Variants in DLGAP2 observed in about 807,000 individuals in gnomAD.
The protein encoded by DLGAP2 is DLG associated protein 2, also known as disks large-associated protein 2.
DLGAP2 carries 26 observed loss-of-function variants against 100.3 expected under a neutral mutation model. The ratio of observed to expected loss-of-function variants is 0.26; its 90% CI spans 0.19 to 0.36. DLGAP2 has a LOEUF of 0.36. Ranked by LOEUF, DLGAP2 falls within the 10% of genes least tolerant of loss-of-function variation. The pLI, the probability that DLGAP2 is intolerant of heterozygous loss-of-function variation, is 1.00. For synonymous variants in DLGAP2, 886 were observed against 630.1 expected (o/e 1.41, Z -6.08); for missense variants, 1,858 against 1,453.2 (o/e 1.28, Z -4.53).
In DLGAP2 at chr8:1,348,812, C is replaced by T. The variant is rs1262193501; in HGVS notation, c.106+89929C>T. On this transcript the variant is annotated intron_variant, in intron 3 of 14. Coordinates refer to ENST00000637795, the MANE Select transcript of DLGAP2 (RefSeq NM_001346810.2). Reference sequence around the variant, plus strand: ...ATGCGGTGGAGCGTGTTGATGGATTCAGCACCAGCCAGTATCAGTCCCCAC... The same window carrying T: ...ATGCGGTGGAGCGTGTTGATGGATTTAGCACCAGCCAGTATCAGTCCCCAC... Among the ~76,000 whole-genome samples the T allele has an allele frequency of 3.3e-5, 5 of 152,184 alleles. No homozygotes were observed. The East Asian group carries it at 5.8e-4, about 18-fold the overall frequency.
At chr8:1,458,002 A>AATTTTT (rs1798366371) in intron 3 of DLGAP2, among the ~76,000 whole-genome samples, 1 of 129,640 alleles carries the variant, frequency 7.7e-6, no homozygotes, top group Non-Finnish European at 1.6e-5. Context: ...ATATATATAT[A>AATTTTT]TATATATATA....
At chr8:927,564 G>C (rs780456779) in intron 2 of DLGAP2, among the ~76,000 whole-genome samples, 5 of 152,192 alleles carry the variant, frequency 3.3e-5, no homozygotes, top group African/African-American at 9.6e-5. Context: ...CCGAGCCTCA[G>C]TGTCCTCATA....
At chr8:940,876 G>T (rs1799180584) in intron 2 of DLGAP2, among the ~76,000 whole-genome samples, 1 of 152,136 alleles carries the variant, frequency 6.6e-6, no homozygotes, top group Non-Finnish European at 1.5e-5. Context: ...AGGCAGTCAG[G>T]CTGCTCGGGA....
intron 1 of DLGAP2, among the ~76,000 whole-genome samples, chr8:757,979 T>G (rs1223863908): frequency 2.0e-5 from 3 of 152,192 alleles, no homozygotes; most frequent in Admixed American, 2.0e-4. Context: ...TGGTGCTGCT[T>G]GCTGCCTTTG....
intron 1 of DLGAP2, among the ~76,000 whole-genome samples, chr8:815,637 T>C (rs1796461833): frequency 6.6e-6 from 1 of 152,190 alleles, no homozygotes; most frequent in Admixed American, 6.5e-5. Flanking sequence ...TGGTTATAGA[T>C]TGGTAAATAA....
intron 4 of DLGAP2, among the ~76,000 whole-genome samples, chr8:1,544,763 C>T (rs906584881): frequency 6.8e-6 from 1 of 147,874 alleles, no homozygotes; most frequent in Non-Finnish European, 1.5e-5. Context: ...ACAGAGGTCT[C>T]ACTTTTGTCG....
At chr8:1,589,705 G>T (rs1345731122) in intron 6 of DLGAP2, among the ~76,000 whole-genome samples, 2 of 152,186 alleles carry the variant, frequency 1.3e-5, no homozygotes, top group African/African-American at 4.8e-5. Flanking sequence ...GCCCAAGGCT[G>T]TTTTTAAAGA....
At chr8:1,327,188 G>A (rs562223572) in intron 3 of DLGAP2, among the ~76,000 whole-genome samples, 12 of 152,228 alleles carry the variant, frequency 7.9e-5, no homozygotes, top group South Asian at 2.1e-4. Flanking sequence ...CATTTAGGAC[G>A]TTAACACTGC....
At chr8:1,518,644 A>G (rs1187325121) in intron 4 of DLGAP2, among the ~76,000 whole-genome samples, 1 of 152,202 alleles carries the variant, frequency 6.6e-6, no homozygotes, top group Admixed American at 6.5e-5. Context: ...AGCTCAAGTC[A>G]TATAAATTTG....
chr8:1,480,439 A>G (rs758750720), intron 3 of DLGAP2, among the ~76,000 whole-genome samples: 16 of 152,164 alleles, frequency 1.1e-4, no homozygotes, highest in Non-Finnish European at 1.8e-4. Context: ...TCCCACACAC[A>G]TATTTTGCTT....
At chr8:1,556,119 G>C (rs1801957443) in intron 5 of DLGAP2, among the ~76,000 whole-genome samples, 1 of 152,218 alleles carries the variant, frequency 6.6e-6, no homozygotes, top group African/African-American at 2.4e-5. Context: ...TGGGTCCTTG[G>C]ATTCTGTGAT....
chr8:1,280,913 A>C (rs2116948093), intron 3 of DLGAP2, among the ~76,000 whole-genome samples: 1 of 152,340 alleles, frequency 6.6e-6, no homozygotes, highest in South Asian at 2.1e-4. Flanking sequence ...TCTGGGAACA[A>C]GTCCACTGCG....
intron 3 of DLGAP2, among the ~76,000 whole-genome samples, chr8:1,284,716 A>ACCCTC (rs754564505): frequency 5.3e-5 from 8 of 151,860 alleles, no homozygotes; most frequent in Non-Finnish European, 8.8e-5. Flanking sequence ...CAGCTGCCTG[A>ACCCTC]CCCTCCCACC....
intron 3 of DLGAP2, among the ~76,000 whole-genome samples, chr8:1,354,002 T>G (rs563240958): frequency 6.6e-6 from 1 of 152,344 alleles, no homozygotes; most frequent in South Asian, 2.1e-4. Context: ...CTTCTTCTAT[T>G]TATGATGGAG....
chr8:1,613,815 C>A (rs1242109609), intron 6 of DLGAP2, among the ~76,000 whole-genome samples: 1 of 152,210 alleles, frequency 6.6e-6, no homozygotes, highest in Non-Finnish European at 1.5e-5. Context: ...AGTTCACTCA[C>A]ACTGGCCTCC....
chr8:1,617,845 G>A (rs572245849), intron 6 of DLGAP2, among the ~76,000 whole-genome samples: 24 of 152,242 alleles, frequency 1.6e-4, no homozygotes, highest in Admixed American at 1.4e-3. Context: ...CCAAAAGAAA[G>A]CAAAAAGAAA....
intron 1 of DLGAP2, among the ~76,000 whole-genome samples, chr8:829,170 G>T (rs1027163055): frequency 1.3e-5 from 2 of 152,166 alleles, no homozygotes; most frequent in African/African-American, 4.8e-5. Context: ...TGAGATAACT[G>T]ACATTGCCTG....
intron 6 of DLGAP2, among the ~76,000 whole-genome samples, chr8:1,583,924 C>T (rs1334393581): frequency 6.6e-6 from 1 of 152,090 alleles, no homozygotes; most frequent in African/African-American, 2.4e-5. Context: ...CGGCTGTTCA[C>T]CGTCTCCTCC....
At chr8:1,512,065 C>T (rs1413397027) in intron 4 of DLGAP2, among the ~76,000 whole-genome samples, 1 of 152,228 alleles carries the variant, frequency 6.6e-6, no homozygotes, top group Non-Finnish European at 1.5e-5. Context: ...TTCCTCAGCC[C>T]TGTGACGCAT....
Sources: allele counts gnomAD v4.1 joint callset (sites outside exome capture counted in the v4.1 genomes callset), GRCh38; gene constraint gnomAD v4.1.1; transcripts MANE v1.5; gene names NCBI Gene and HGNC (gene_info 2026-07-23, HGNC 2026-07-21).